Variants in EML6 observed in about 807,000 individuals in gnomAD.
EML6 encodes the protein EMAP like 6.
In EML6, 154 loss-of-function variants were observed where a neutral mutation model predicts 240.1. The observed-to-expected ratio is 0.64, with a 90% CI of 0.56 to 0.73. The LOEUF (loss-of-function observed/expected upper bound fraction) is 0.73, where lower values mean the gene tolerates loss of function less well. Ranked by LOEUF, EML6 falls within the 30% of genes least tolerant of loss-of-function variation. EML6 has a pLI of 0.00. For synonymous variants in EML6, 1,148 were observed against 899.0 expected (o/e 1.28, Z -4.95); for missense variants, 2,964 against 2,474.6 (o/e 1.20, Z -4.20).
At chr2:54,853,001 T>C (rs997522375) in intron 10 of EML6, among the ~76,000 whole-genome samples, 3 of 152,244 alleles carry the variant, frequency 2.0e-5, no homozygotes, top group African/African-American at 7.2e-5. Flanking sequence ...CCCGCGTGAA[T>C]TACATTTTAT....
At chr2:54,736,607 C>G (rs1683403716) in intron 2 of EML6, among the ~76,000 whole-genome samples, 1 of 152,246 alleles carries the variant, frequency 6.6e-6, no homozygotes, top group Non-Finnish European at 1.5e-5. Context: ...CCGCCAGCCA[C>G]TGGAGTTCTC....
At chr2:54,791,806 G>A (rs1341315961) in intron 2 of EML6, among the ~76,000 whole-genome samples, 1 of 152,162 alleles carries the variant, frequency 6.6e-6, no homozygotes, top group Non-Finnish European at 1.5e-5. Context: ...ATACTACAAA[G>A]TAGCTGTGCT....
chr2:54,775,980 T>A (rs1222573709), intron 2 of EML6, among the ~76,000 whole-genome samples: 3 of 152,160 alleles, frequency 2.0e-5, no homozygotes, highest in Non-Finnish European at 4.4e-5. Flanking sequence ...ATTCTTAAGA[T>A]TTGGTTTGCC....
chr2:54,899,256 G>A (rs886182836), intron 21 of EML6, among the ~76,000 whole-genome samples: 6 of 152,180 alleles, frequency 3.9e-5, no homozygotes, highest in African/African-American at 1.4e-4. Context: ...TTGTGTCCTT[G>A]TGATTAAGCT....
intron 28 of EML6, among the ~76,000 whole-genome samples, chr2:54,948,204 A>T (rs1675786234): frequency 1.3e-5 from 2 of 152,178 alleles, no homozygotes; most frequent in Admixed American, 6.5e-5. Flanking sequence ...TCTTCATTAA[A>T]TTTGGAGGCC....
intron 28 of EML6, among the ~76,000 whole-genome samples, chr2:54,941,757 C>T (rs926305983): frequency 2.7e-5 from 4 of 149,604 alleles, no homozygotes; most frequent in African/African-American, 9.7e-5. Context: ...AGAGTGATGG[C>T]ACACGCGTAG....
At chr2:54,883,989 CAG>C (rs1312595784) in intron 17 of EML6, among the ~76,000 whole-genome samples, 6 of 152,334 alleles carry the variant, frequency 3.9e-5, no homozygotes, top group Admixed American at 6.5e-5. Flanking sequence ...ACAATCTGCA[CAG>C]AGACTTCTGT....
intron 12 of EML6, among the ~76,000 whole-genome samples, chr2:54,862,190 T>C: frequency 6.6e-6 from 1 of 151,362 alleles, no homozygotes; most frequent in East Asian, 1.9e-4. Context: ...AATACAAAAA[T>C]TAGCCAGGCA....
intron 2 of EML6, among the ~76,000 whole-genome samples, chr2:54,785,518 G>C (rs1232989380): frequency 1.3e-5 from 2 of 152,112 alleles, no homozygotes; most frequent in African/African-American, 4.8e-5. Flanking sequence ...CAACACTTAA[G>C]TTCACCACAA....
In EML6 at chr2:54,892,480, A is replaced by G. The variant is rs1672523653; in HGVS notation, c.2566A>G (p.Thr856Ala). 6.4e-7 allele frequency: 1 copy of G among 1,551,270 alleles called. No homozygotes were observed. Among genetic ancestry groups the G allele is most frequent in the Non-Finnish European group, 8.7e-7 (1 of 1,146,648 alleles). Residue 856 changes from threonine (T) to alanine (A), a missense_variant, in exon 19 of 42, where the codon ACT (threonine) becomes GCT (alanine). Thr to Ala is a moderately conservative substitution (Grantham distance 58, BLOSUM62 0). Coordinates refer to ENST00000356458, the MANE Select transcript of EML6 (RefSeq NM_001039753.4). ...TGGGGGCTTCACTTCTAAAAGAGGA[A>G]CTTTTGGAAGCGTTGGAAAATTGGA... ...AGGGFTSKRG[T>A]FGSVGKLETM...
rs890757052 is a variant in EML6, at chr2:54,968,699, C to T, written c.5783C>T (p.Ala1928Val). The T allele has an allele frequency of 2.6e-6, 4 of 1,551,066 alleles. No individual in the cohort carries two copies. In the African/African-American group the frequency reaches 4.1e-5, roughly 16 times the overall value. ...CATAAGCGATACTTCGGTCACTCGG[C>T]TCACGTGACGAACATCCGTTTCTCT... ...AKHKRYFGHSAHVTNIRFSYD... is the reference protein window; with the variant it reads ...AKHKRYFGHSVHVTNIRFSYD... Residue 1928 changes from alanine (A) to valine (V), a missense_variant, in exon 41 of 42, where the codon GCT becomes GTT. Coordinates refer to ENST00000356458, the MANE Select transcript of EML6 (RefSeq NM_001039753.4).
intron 12 of EML6, among the ~76,000 whole-genome samples, chr2:54,861,771 T>TTG (rs202210552): frequency 3.2e-4 from 42 of 132,304 alleles, no homozygotes; most frequent in African/African-American, 6.2e-4. Context: ...GGTTTTTTGT[T>TTG]TTTTTTTTTT....
intron 26 of EML6, among the ~76,000 whole-genome samples, chr2:54,917,634 T>C (rs1327733012): frequency 6.6e-6 from 1 of 152,208 alleles, no homozygotes; most frequent in Non-Finnish European, 1.5e-5. Flanking sequence ...CTGCTGGGAT[T>C]ATGGGCGTGA....
chr2:54,902,318 A>G (rs1178106579), intron 22 of EML6, among the ~76,000 whole-genome samples: 1 of 152,200 alleles, frequency 6.6e-6, no homozygotes, highest in Non-Finnish European at 1.5e-5. Flanking sequence ...AAATACTCAT[A>G]AATGAATGAA....
At chr2:54,870,673 T>A (rs1471982816) in intron 15 of EML6, among the ~76,000 whole-genome samples, 1 of 152,198 alleles carries the variant, frequency 6.6e-6, no homozygotes, top group Non-Finnish European at 1.5e-5. Flanking sequence ...CCTCTTTTTT[T>A]AAGTAAAAGC....
intron 17 of EML6, chr2:54,881,976 G>C (rs575521571): frequency 6.6e-6 from 1 of 152,376 alleles, no homozygotes; most frequent in African/African-American, 2.4e-5. Flanking sequence ...TGGTGGCATC[G>C]TCAGCTGTGC....
intron 14 of EML6, chr2:54,868,292 A>G (rs1416159666): frequency 6.6e-6 from 1 of 152,218 alleles, no homozygotes; most frequent in Non-Finnish European, 1.5e-5. Flanking sequence ...GACTAAATCA[A>G]CATGAATATA....
At chr2:54,763,959 T>C (rs1160565489) in intron 2 of EML6, among the ~76,000 whole-genome samples, 1 of 152,234 alleles carries the variant, frequency 6.6e-6, no homozygotes, top group Admixed American at 6.5e-5. Context: ...TGCCATCTTG[T>C]AGGGTTTTGA....
In EML6 at chr2:54,866,899, A is replaced by G; in HGVS notation, c.2051+15A>G. 6.8e-7 allele frequency: 1 copy of G among 1,461,028 alleles called. No individual in the cohort carries two copies. Among genetic ancestry groups the G allele is most frequent in the Non-Finnish European group, 9.4e-7 (1 of 1,064,898 alleles). 90.5% of individuals were successfully genotyped at this position (1,461,028 alleles called of 1,614,324 possible). ...TTCATACACGGGTGGGTGGCCTGTC[A>G]TGGGCGCCCGTATGTGTTCCTCTGT... On this transcript the variant is annotated intron_variant, in intron 14 of 41. Transcript: ENST00000356458.
Sources: gnomAD v4.1 joint callset for allele counts (sites outside exome capture counted in the v4.1 genomes callset) on GRCh38, gnomAD v4.1.1 for gene constraint, MANE v1.5 for transcripts, NCBI Gene and HGNC (gene_info 2026-07-23, HGNC 2026-07-21) for gene names.